Variants in HOXB2 observed in about 807,000 individuals in gnomAD.
The protein encoded by HOXB2 is homeobox B2.
Under a neutral mutation model 13.1 loss-of-function variants are expected in HOXB2, and 14 were observed. The observed-to-expected ratio is 1.07, with a 90% CI of 0.71 to 1.67. The LOEUF is 1.67. Ranked by LOEUF, HOXB2 falls within the 40% of genes most tolerant of loss-of-function variation. HOXB2 has a pLI of 0.00. For missense variants in HOXB2, 582 were observed against 488.3 expected (o/e 1.19, Z -1.81); for synonymous variants, 261 against 233.1 (o/e 1.12, Z -1.09).
rs2068551355 is a variant in HOXB2, at chr17:48,544,784, A to G, written c.128T>C (p.Ile43Thr). The G allele has an allele frequency of 6.2e-7, 1 of 1,613,972 alleles. No homozygotes were observed. Among genetic ancestry groups the G allele is most frequent in the Non-Finnish European group, 8.5e-7 (1 of 1,179,996 alleles). ...TTGCTCGAAAGGAGGAGGAGGAGGA[A>G]TTAATGTCGACTCCTTGATTGATGA... ...QTSSIKESTL[I>T]PPPPPFEQTF... Residue 43 changes from isoleucine (I) to threonine (T), a missense_variant, in exon 1 of 2, where the codon ATT becomes ACT. Ile to Thr is a moderately conservative substitution (Grantham distance 89, BLOSUM62 -1). Coordinates refer to ENST00000330070, the MANE Select transcript of HOXB2 (RefSeq NM_002145.4).
chr17:48,543,252 G>C lies in HOXB2; in HGVS notation c.887C>G (p.Ser296Trp). The stretch of plus-strand genomic sequence containing the variant: ...AAGGAAAGGTGAATCCTGGCGCCCC[G>C]AGAAGACGTCTTCTGGCAATGGCCC... ...EPGPLPEDVF[S>W]GRQDSPFLPD... Residue 296 changes from serine to tryptophan, a missense_variant, in exon 2 of 2, where the codon TCG becomes TGG. Coordinates refer to ENST00000330070, the MANE Select transcript of HOXB2 (RefSeq NM_002145.4). 1 of 1,610,752 alleles carries C rather than the reference G, an allele frequency of 6.2e-7. No homozygotes were observed. Among genetic ancestry groups the C allele is most frequent in the Non-Finnish European group, 8.5e-7 (1 of 1,179,884 alleles).
Position 48,543,067 on chromosome 17 carries a change from G to C in HOXB2, c.*1C>G, listed in dbSNP as rs2068514849. The C allele has an allele frequency of 1.3e-6, 2 of 1,592,874 alleles. No individual in the cohort carries two copies. Among genetic ancestry groups the C allele is most frequent in the South Asian group, 2.3e-5 (2 of 88,740 alleles). ...CGAAAGGACCGGGAGGAGGAAACAG[G>C]TTAGGGAAACTGCAGGTCGATGGCA... On this transcript the variant is annotated 3_prime_UTR_variant, in exon 2 of 2. Coordinates refer to ENST00000330070, the MANE Select transcript of HOXB2 (RefSeq NM_002145.4).
At position 48,543,094 on chromosome 17, in the gene HOXB2, A is replaced by C. The variant is rs1215415143; in HGVS notation, c.1045T>G (p.Cys349Gly). The change falls in exon 2 of 2, where the codon TGT becomes GGT. Residue 349 changes from cysteine to glycine, a missense_variant. Cys to Gly is a radical substitution (Grantham distance 159). Transcript: ENST00000330070. The part of the protein sequence containing the change: ...EELDFFTSTL[C>G]AIDLQFP ...TAGGGAAACTGCAGGTCGATGGCAC[A>C]GAGCGTACTGGTGAAAAAATCCAGC... 2 of 1,610,276 alleles carry C rather than the reference A, an allele frequency of 1.2e-6. No homozygotes were observed. The highest frequency in any genetic ancestry group is 1.3e-5 in the African/African-American group (1 of 74,542).
Position 48,544,948 on chromosome 17 carries a change from G to GGGGGGCGGGGGGGGGGGGC in HOXB2, c.-38_-37insGCCCCCCCCCCCCGCCCCC. 9.5e-7 allele frequency: 1 copy of GGGGGGCGGGGGGGGGGGGC among 1,051,216 alleles called. No homozygotes were observed. The highest frequency in any genetic ancestry group is 1.3e-6 in the Non-Finnish European group (1 of 749,884). 65.1% of individuals were successfully genotyped at this position (1,051,216 alleles called of 1,614,324 possible). On this transcript the variant is annotated 5_prime_UTR_variant, in exon 1 of 2. Coordinates refer to ENST00000330070, the MANE Select transcript of HOXB2 (RefSeq NM_002145.4). ...GTGGGGGAGGGGGCTGCTGGGGGGG[G>GGGGGGCGGGGGGGGGGGGC]CGTCAGGAGGGAGGATCGGAAGGGA...
chr17:48,543,389 C>T lies in HOXB2; in HGVS notation c.750G>A (p.Glu250=), dbSNP rs2068524507. The stretch of plus-strand genomic sequence containing the variant: ...CCGCGCTTAAGGCCCCCGGCACCAC[C>T]TCCGGCGGGTGACAGCAGGCTTCCC... The part of the protein sequence containing the change: ...AAWEACCHPP[E]VVPGALSADP... Residue 250 remains glutamate (E), a synonymous_variant, in exon 2 of 2, where the codon GAG becomes GAA. Transcript: ENST00000330070. The T allele has an allele frequency of 1.9e-6, 3 of 1,585,508 alleles. No individual in the cohort carries two copies. The highest frequency in any genetic ancestry group is 1.7e-6 in the Non-Finnish European group (2 of 1,169,220).
chr17:48,544,550 AC>A lies in HOXB2; in HGVS notation c.361del (p.Val121PhefsTer76). 6.2e-7 allele frequency: 1 copy of A among 1,606,496 alleles called. No individual in the cohort carries two copies. The highest frequency in any genetic ancestry group is 1.3e-5 in the African/African-American group (1 of 74,990). On this transcript the variant is annotated frameshift_variant, in exon 1 of 2. Coordinates refer to ENST00000330070, the MANE Select transcript of HOXB2 (RefSeq NM_002145.4). LOFTEE classifies it low-confidence loss of function (END_TRUNC). ...AGGCGATCCGACCCCGGAGGCCGGA[AC>A]GGCGGAGGCGGCCGGAGAAGGAGAC... ...ATSPSPAASA[V>X]PASGVGSPAD...
At position 48,543,285 on chromosome 17, in the gene HOXB2, A is replaced by G. The variant is rs1166916362; in HGVS notation, c.854T>C (p.Leu285Pro). Residue 285 changes from leucine (L) to proline (P), a missense_variant, in exon 2 of 2, where the codon CTG becomes CCG. Transcript: ENST00000330070. Reference protein sequence around the residue: ...PGCALRGAGGLEPGPLPEDVF... With the variant: ...PGCALRGAGGPEPGPLPEDVF... ...GTCTTCTGGCAATGGCCCGGGCTCCAGCCCGCCGGCCCCGCGCAGCGCGCA... is the reference window on the plus strand; with the variant it reads ...GTCTTCTGGCAATGGCCCGGGCTCCGGCCCGCCGGCCCCGCGCAGCGCGCA... 6.2e-7 allele frequency: 1 copy of G among 1,601,630 alleles called. No individual in the cohort carries two copies.
intron 1 of HOXB2, 51 bp downstream of exon 1, chr17:48,544,470 T>C (rs769166146): frequency 6.5e-7 from 1 of 1,531,574 alleles, no homozygotes; most frequent in Non-Finnish European, 8.7e-7. Flanking sequence ...CACTGCTTTT[T>C]CTCCCCCTCT....
Position 48,544,963 on chromosome 17 carries a change from A to G in HOXB2, c.-52T>C, listed in dbSNP as rs913838894. 3 of 1,231,732 alleles carry G rather than the reference A, an allele frequency of 2.4e-6. No individual in the cohort carries two copies. The highest frequency in any genetic ancestry group is 2.1e-6 in the Non-Finnish European group (2 of 956,870). The allele number at this position is 1,231,732 out of a possible 1,614,324, so 76.3% of individuals were successfully genotyped here. On this transcript the variant is annotated 5_prime_UTR_variant, in exon 1 of 2. Transcript: ENST00000330070. ...GCTGGGGGGGGCGTCAGGAGGGAGG[A>G]TCGGAAGGGACCCCCCTCCTGCACC...
rs1389854469 is a variant in HOXB2, at chr17:48,543,289, C to A, written c.850G>T (p.Gly284Trp). 1.9e-6 allele frequency: 3 copies of A among 1,603,738 alleles called. No individual in the cohort carries two copies. The highest frequency in any genetic ancestry group is 2.2e-5 in the South Asian group (2 of 90,876). The part of the protein sequence containing the change: ...SPGCALRGAG[G>W]LEPGPLPEDV... ...TCTGGCAATGGCCCGGGCTCCAGCCCGCCGGCCCCGCGCAGCGCGCAGCCG... is the reference window on the plus strand; with the variant it reads ...TCTGGCAATGGCCCGGGCTCCAGCCAGCCGGCCCCGCGCAGCGCGCAGCCG... The change falls in exon 2 of 2, where the codon GGG (glycine) becomes TGG (tryptophan). Residue 284 changes from glycine to tryptophan, a missense_variant. Physicochemically the swap from Gly to Trp is radical, Grantham distance 184. Transcript: ENST00000330070.
chr17:48,543,027 A>C lies in HOXB2; in HGVS notation c.*41T>G. The C allele has an allele frequency of 3.3e-6, 5 of 1,505,614 alleles. No homozygotes were observed. The highest frequency in any genetic ancestry group is 4.5e-6 in the Non-Finnish European group (5 of 1,120,748). The allele number at this position is 1,505,614 out of a possible 1,614,324, so 93.3% of individuals were successfully genotyped here. A position where few individuals can be genotyped will look rare whatever the true frequency, so the allele number is the denominator to read the frequency against. On this transcript the variant is annotated 3_prime_UTR_variant, in exon 2 of 2. Coordinates refer to ENST00000330070, the MANE Select transcript of HOXB2 (RefSeq NM_002145.4). ...GGCTCGATTTTTCCAGTAGACGGCC[A>C]AGGAGCGCGGGGGTCGAAAGGACCG...
Position 48,544,521 on chromosome 17 carries a change from C to G in HOXB2, c.391G>C (p.Asp131His). The G allele has an allele frequency of 6.2e-7, 1 of 1,601,644 alleles. No individual in the cohort carries two copies. Among genetic ancestry groups the G allele is most frequent in the Non-Finnish European group, 8.5e-7 (1 of 1,178,916 alleles). ...CCCCACCCCCACCACGCTTACCGAC[C>G]TGCAGGCGATCCGACCCCGGAGGCC... is the stretch of plus-strand genomic sequence containing the variant. ...VPASGVGSPA[D>H]GLGLPEAGGG... Residue 131 changes from aspartate (D) to histidine (H), a missense_variant and splice_region_variant, in exon 1 of 2, where the codon GAT becomes CAT. Coordinates refer to ENST00000330070, the MANE Select transcript of HOXB2 (RefSeq NM_002145.4).
rs1235310352 is a variant in HOXB2, at chr17:48,544,840, G to A, written c.72C>T (p.Ser24=). The change falls in exon 1 of 2, where the codon TCC becomes TCT. Residue 24 remains serine (S), a synonymous_variant. Coordinates refer to ENST00000330070, the MANE Select transcript of HOXB2 (RefSeq NM_002145.4). ...SQPSLAECLT[S]FPAVLETFQT... ...GAAATGTCTCCAAGACAGCGGGGAA[G>A]GAAGTCAGACACTCGGCGAGCGACG... 1.9e-6 allele frequency: 3 copies of A among 1,613,714 alleles called. No homozygotes were observed. Among genetic ancestry groups the A allele is most frequent in the African/African-American group, 1.3e-5 (1 of 74,798 alleles).
In HOXB2 at chr17:48,545,020, G is replaced by A. The variant is rs2068556834; in HGVS notation, c.-109C>T. The A allele has an allele frequency of 9.8e-7, 1 of 1,022,322 alleles. No individual in the cohort carries two copies. The highest frequency in any genetic ancestry group is 1.6e-5 in the African/African-American group (1 of 61,562). 63.3% of individuals were successfully genotyped at this position (1,022,322 alleles called of 1,614,324 possible). ...GATTTATGTAATGGAGCGATTTTGG[G>A]AGGGGGAGATTTCGGTCTCTCTTTT... is the stretch of plus-strand genomic sequence containing the variant. On this transcript the variant is annotated 5_prime_UTR_variant, in exon 1 of 2. Transcript: ENST00000330070.
intron 1 of HOXB2, 164 bp downstream of exon 1, chr17:48,544,357 G>A (rs1022305567): frequency 2.8e-6 from 4 of 1,408,914 alleles, no homozygotes; most frequent in Non-Finnish European, 3.7e-6. Flanking sequence ...CGCTGTTAGC[G>A]GCCAGGCCTG....
intron 1 of HOXB2, chr17:48,544,034 GCCCTCCCAGTGGAC>G: frequency 8.0e-7 from 1 of 1,243,382 alleles, no homozygotes; most frequent in Non-Finnish European, 1.0e-6. Context: ...CCCCTCCCAA[GCCCTCCCAGTGGAC>G]CCCTCAATTC....
At position 48,543,400 on chromosome 17, in the gene HOXB2, GAC is replaced by G; in HGVS notation, c.737_738del (p.Cys246SerfsTer79). 6.3e-7 allele frequency: 1 copy of G among 1,583,810 alleles called. No homozygotes were observed. Among genetic ancestry groups the G allele is most frequent in the Non-Finnish European group, 8.6e-7 (1 of 1,168,380 alleles). ...SASRAAWEAC[C>X]HPPEVVPGAL... The stretch of plus-strand genomic sequence containing the variant: ...GCCCCCGGCACCACCTCCGGCGGGT[GAC>G]AGCAGGCTTCCCACGCCGCCCGCGA... On this transcript the variant is annotated frameshift_variant, in exon 2 of 2. Coordinates refer to ENST00000330070, the MANE Select transcript of HOXB2 (RefSeq NM_002145.4). LOFTEE classifies it low-confidence loss of function (END_TRUNC).
chr17:48,543,402 C>A lies in HOXB2; in HGVS notation c.737G>T (p.Cys246Phe). The A allele has an allele frequency of 6.3e-7, 1 of 1,583,488 alleles. No individual in the cohort carries two copies. The highest frequency in any genetic ancestry group is 1.1e-5 in the South Asian group (1 of 88,486). Reference sequence around the variant, plus strand: ...CCCCGGCACCACCTCCGGCGGGTGACAGCAGGCTTCCCACGCCGCCCGCGA... The same window carrying A: ...CCCCGGCACCACCTCCGGCGGGTGAAAGCAGGCTTCCCACGCCGCCCGCGA... ...SASRAAWEAC[C>F]HPPEVVPGAL... The change falls in exon 2 of 2, where the codon TGT (cysteine) becomes TTT (phenylalanine). Residue 246 changes from cysteine to phenylalanine, a missense_variant. By Grantham distance (205) the Cys-to-Phe change is radical (BLOSUM62 -2). Coordinates refer to ENST00000330070, the MANE Select transcript of HOXB2 (RefSeq NM_002145.4).
Position 48,543,610 on chromosome 17 carries a change from C to G in HOXB2, c.529G>C (p.Ala177Pro). ...CTTTCGGTGAGGTCCAGCAAGGCCGCGATCTCGACGCGGCGTGGCCGGCAC... is the reference window on the plus strand; with the variant it reads ...CTTTCGGTGAGGTCCAGCAAGGCCGGGATCTCGACGCGGCGTGGCCGGCAC... Reference protein sequence around the residue: ...YLCRPRRVEIAALLDLTERQV... With the variant: ...YLCRPRRVEIPALLDLTERQV... Residue 177 changes from alanine to proline, a missense_variant, in exon 2 of 2, where the codon GCG becomes CCG. By Grantham distance (27) the Ala-to-Pro change is conservative. Transcript: ENST00000330070. 6.2e-7 allele frequency: 1 copy of G among 1,613,658 alleles called. No individual in the cohort carries two copies. The highest frequency in any genetic ancestry group is 1.7e-5 in the Admixed American group (1 of 60,034).
Sources: gnomAD v4.1 joint callset for allele counts on GRCh38, gnomAD v4.1.1 for gene constraint, MANE v1.5 for transcripts, NCBI Gene and HGNC (gene_info 2026-07-23, HGNC 2026-07-21) for gene names.